The following RUNX1 variants were observed in gnomAD, a reference collection of about 807,000 sequenced individuals.
RUNX1 encodes runt-related transcription factor 1.
In RUNX1, 19 loss-of-function variants were observed where a neutral mutation model predicts 42.8. The ratio of observed to expected loss-of-function variants is 0.44; its 90% CI spans 0.31 to 0.65. RUNX1 has a LOEUF of 0.65. Ranked by LOEUF, RUNX1 falls within the 30% of genes least tolerant of loss-of-function variation. The probability of loss-of-function intolerance (pLI) is 0.07; values close to 1 mark genes in which losing one functional copy is unlikely to be tolerated. For synonymous variants in RUNX1, 271 were observed against 289.4 expected, an observed-to-expected ratio of 0.94 and a Z score of 0.64; for missense variants, 528 against 672.0, an observed-to-expected ratio of 0.79 and a Z score of 2.37.
intron 7 of RUNX1, among the ~76,000 whole-genome samples, chr21:34,832,484 C>T (rs1300396883): frequency 6.6e-6 from 1 of 152,164 alleles, no homozygotes; most frequent in Admixed American, 6.5e-5. Context: ...AAAGGCAAAT[C>T]CCTTAATCAA....
chr21:35,047,486 T>C (rs7277157), intron 2 of RUNX1, among the ~76,000 whole-genome samples: 39,738 of 149,274 alleles, frequency 0.27, 6,336 homozygotes, highest in African/African-American at 0.43. Flanking sequence ...TTCTTCTCTT[T>C]CTCTTTAACT....
intron 7 of RUNX1, among the ~76,000 whole-genome samples, chr21:34,817,315 A>C (rs1173182803): frequency 6.6e-6 from 1 of 152,236 alleles, no homozygotes; most frequent in Non-Finnish European, 1.5e-5. Context: ...ACATACAGAG[A>C]TACAAGGGTG....
chr21:34,795,812 T>C (rs1402999637), intron 8 of RUNX1, among the ~76,000 whole-genome samples: 1 of 152,202 alleles, frequency 6.6e-6, no homozygotes, highest in African/African-American at 2.4e-5. Context: ...TTACTCCATT[T>C]TTCCATTTAG....
Position 34,849,294 on chromosome 21 carries a change from TAAA to T in RUNX1, c.613+10177_613+10179del, listed in dbSNP as rs1569051745. On this transcript the variant is annotated intron_variant, in intron 6 of 8. Coordinates refer to ENST00000675419, the MANE Select transcript of RUNX1 (RefSeq NM_001754.5). ...ATATATATATAATATATATTATATA[TAAA>T]ATATATAATATATATTATATATATA... 1.5e-4 allele frequency among the ~76,000 whole-genome samples: 7 copies of T among 47,120 alleles called. 1 individual carries two copies. Among genetic ancestry groups the T allele is most frequent in the Admixed American group, 1.4e-3 (3 of 2,192 alleles). 30.9% of individuals were successfully genotyped at this position (47,120 alleles called of 152,430 possible). A position where few individuals can be genotyped will look rare whatever the true frequency, so the allele number is the denominator to read the frequency against.
chr21:34,968,928 C>T (rs2058740509), intron 2 of RUNX1, among the ~76,000 whole-genome samples: 1 of 152,136 alleles, frequency 6.6e-6, no homozygotes, highest in African/African-American at 2.4e-5. Flanking sequence ...AGTAACCCCG[C>T]CGGCAATTCT....
intron 2 of RUNX1, among the ~76,000 whole-genome samples, chr21:35,042,883 A>G (rs1294629497): frequency 1.3e-5 from 2 of 152,218 alleles, no homozygotes; most frequent in South Asian, 4.1e-4. Context: ...AATAAAATAC[A>G]TAATTTCCGT....
At chr21:34,837,267 C>T (rs1444601278) in intron 6 of RUNX1, among the ~76,000 whole-genome samples, 1 of 152,110 alleles carries the variant, frequency 6.6e-6, no homozygotes, top group Non-Finnish European at 1.5e-5. Context: ...TTCCACTCTC[C>T]CCACGTGTGT....
At chr21:34,819,220 CAAG>C (rs2056873284) in intron 7 of RUNX1, among the ~76,000 whole-genome samples, 1 of 152,182 alleles carries the variant, frequency 6.6e-6, no homozygotes, top group Non-Finnish European at 1.5e-5. Context: ...TGTCTTTGAG[CAAG>C]AAAAGTCTCT....
intron 7 of RUNX1, among the ~76,000 whole-genome samples, chr21:34,820,804 T>C (rs191127710): frequency 6.6e-5 from 10 of 152,222 alleles, no homozygotes; most frequent in Admixed American, 6.5e-4. Context: ...CATGGTTCAG[T>C]GCCCAAGTGA....
Position 34,907,911 on chromosome 21 carries a change from A to G in RUNX1, c.59-14948T>C, listed in dbSNP as rs1307190676. Among the ~76,000 whole-genome samples the G allele has an allele frequency of 6.6e-6, 1 of 152,148 alleles. No homozygotes were observed. Among genetic ancestry groups the G allele is most frequent in the Non-Finnish European group, 1.5e-5 (1 of 68,026 alleles). ...AGCAAACATTTTGTCCAATCCATTTAGTTTATAGAGGGAAAAGGAGGCTCT... is the reference window on the plus strand; with the variant it reads ...AGCAAACATTTTGTCCAATCCATTTGGTTTATAGAGGGAAAAGGAGGCTCT... On this transcript the variant is annotated intron_variant, in intron 2 of 8. Transcript: ENST00000675419. This position sits in a 1 kb window ranked among gnomAD's most constrained non-coding sequence, Gnocchi z 5.3.
At chr21:34,930,217 G>GTATA (rs1194433231) in intron 2 of RUNX1, among the ~76,000 whole-genome samples, 9 of 132,072 alleles carry the variant, frequency 6.8e-5, no homozygotes, top group African/African-American at 2.9e-4. Flanking sequence ...ATATATACAT[G>GTATA]TATATATATT....
At chr21:34,888,950 G>C (rs1045937716) in intron 3 of RUNX1, among the ~76,000 whole-genome samples, 1 of 151,410 alleles carries the variant, frequency 6.6e-6, no homozygotes, top group African/African-American at 2.4e-5. Flanking sequence ...TGCTGGCCCG[G>C]GGCCCCGCCC....
intron 2 of RUNX1, among the ~76,000 whole-genome samples, chr21:34,918,265 A>C (rs2058327484): frequency 6.6e-6 from 1 of 151,986 alleles, no homozygotes; most frequent in Non-Finnish European, 1.5e-5. Context: ...GAGATGAGAG[A>C]TGCAGGGGCA....
intron 2 of RUNX1, among the ~76,000 whole-genome samples, chr21:34,897,153 T>C (rs1050448572): frequency 6.6e-6 from 1 of 152,216 alleles, no homozygotes; most frequent in East Asian, 1.9e-4. Flanking sequence ...CTTGGATCCA[T>C]GGATTGATCT....
At chr21:34,997,480 A>AC (rs1027340525) in intron 2 of RUNX1, among the ~76,000 whole-genome samples, 4 of 152,230 alleles carry the variant, frequency 2.6e-5, no homozygotes, top group African/African-American at 9.6e-5. Context: ...TGTGTGGAAC[A>AC]CCAGATAGCC....
At chr21:34,996,436 G>A (rs1352150486) in intron 2 of RUNX1, among the ~76,000 whole-genome samples, 1 of 152,102 alleles carries the variant, frequency 6.6e-6, no homozygotes, top group Non-Finnish European at 1.5e-5. Flanking sequence ...CTGCAGGGAC[G>A]TCCTCCTGGG....
intron 2 of RUNX1, among the ~76,000 whole-genome samples, chr21:35,004,932 T>C (rs529731306): frequency 6.6e-6 from 1 of 152,312 alleles, no homozygotes; most frequent in African/African-American, 2.4e-5. Flanking sequence ...GCAGGGGACT[T>C]TGATTTGGCT....
At chr21:34,917,512 C>A (rs576549761) in intron 2 of RUNX1, among the ~76,000 whole-genome samples, 21 of 152,336 alleles carry the variant, frequency 1.4e-4, no homozygotes, top group African/African-American at 4.8e-4. Flanking sequence ...AAGAGAAATG[C>A]TGACCAGAGT....
chr21:35,012,107 T>C (rs2059130400), intron 2 of RUNX1, among the ~76,000 whole-genome samples: 1 of 152,228 alleles, frequency 6.6e-6, no homozygotes, highest in South Asian at 2.1e-4. Context: ...ATATGATCGT[T>C]AGCTTAATCC....
Sources: gnomAD v4.1 joint callset for allele counts (sites outside exome capture counted in the v4.1 genomes callset) on GRCh38, gnomAD v4.1.1 for gene constraint, Gnocchi (gnomAD v3.1) non-coding constraint, MANE v1.5 for transcripts, NCBI Gene and HGNC (gene_info 2026-07-23, HGNC 2026-07-21) for gene names.